The following PRKCB variants were observed in gnomAD, a reference collection of about 807,000 sequenced individuals.
PRKCB encodes protein kinase C beta type.
PRKCB carries 13 observed loss-of-function variants against 81.5 expected under a neutral mutation model. That is an observed-to-expected ratio of 0.16 (90% confidence interval 0.10 to 0.25). The LOEUF is 0.25. Among genes scored for constraint, PRKCB ranks in the 10% least tolerant of loss-of-function variants. The pLI is 1.00. For missense variants in PRKCB, 509 were observed against 875.7 expected (o/e 0.58, Z 5.29); for synonymous variants, 335 against 321.4 (o/e 1.04, Z -0.45).
chr16:24,118,083 G>A lies in PRKCB; in HGVS notation c.918+5014G>A, dbSNP rs537014745. Among the ~76,000 whole-genome samples, 17 of 152,342 alleles carry A rather than the reference G, an allele frequency of 1.1e-4. No homozygotes were observed. The East Asian group carries it at 2.3e-3, about 21-fold the overall frequency. ...GGTGGTGTCTTGGAGGAACACCAGC[G>A]ATTGTACCTGTGCAATGTAGCCTAA... On this transcript the variant is annotated intron_variant, in intron 8 of 16. Coordinates refer to ENST00000643927, the MANE Select transcript of PRKCB (RefSeq NM_002738.7).
chr16:23,906,475 T>A (rs1175243268), intron 2 of PRKCB, among the ~76,000 whole-genome samples: 2 of 152,182 alleles, frequency 1.3e-5, no homozygotes, highest in Non-Finnish European at 2.9e-5. Context: ...AAAAAGTGAT[T>A]TATTATGGAT....
At chr16:23,975,249 G>A (rs1964609780) in intron 2 of PRKCB, among the ~76,000 whole-genome samples, 1 of 152,130 alleles carries the variant, frequency 6.6e-6, no homozygotes, top group Admixed American at 6.5e-5. Flanking sequence ...CTATTTTAGA[G>A]TGAGTTGGGG....
At chr16:24,007,251 G>A (rs184799601) in intron 3 of PRKCB, among the ~76,000 whole-genome samples, 5 of 152,282 alleles carry the variant, frequency 3.3e-5, no homozygotes, top group African/African-American at 4.8e-5. Context: ...GCCGTAACTG[G>A]CACATAGGAC....
intron 5 of PRKCB, among the ~76,000 whole-genome samples, chr16:24,049,315 AC>A: frequency 6.8e-6 from 1 of 146,576 alleles, no homozygotes; most frequent in South Asian, 2.2e-4. Context: ...CGGGACCTGC[AC>A]CCTTAACCAC....
intron 16 of PRKCB, among the ~76,000 whole-genome samples, chr16:24,212,053 T>G (rs1037378619): frequency 5.3e-5 from 8 of 152,174 alleles, no homozygotes; most frequent in African/African-American, 1.7e-4. Context: ...CCTCCATTTC[T>G]CATCAGTATC....
At chr16:24,161,522 TG>T (rs1967257603) in intron 10 of PRKCB, among the ~76,000 whole-genome samples, 1 of 152,200 alleles carries the variant, frequency 6.6e-6, no homozygotes, top group Non-Finnish European at 1.5e-5. Context: ...TTTTTTTTAA[TG>T]TACCACAAGA....
intron 5 of PRKCB, among the ~76,000 whole-genome samples, chr16:24,092,387 T>G (rs1015330264): frequency 9.9e-5 from 15 of 152,224 alleles, no homozygotes; most frequent in African/African-American, 3.6e-4. Flanking sequence ...ATAAACAAAA[T>G]GTGGGATATC....
At chr16:24,017,735 T>C (rs1965297962) in intron 3 of PRKCB, among the ~76,000 whole-genome samples, 1 of 152,050 alleles carries the variant, frequency 6.6e-6, no homozygotes, top group South Asian at 2.1e-4. Flanking sequence ...TCTTTTTTTG[T>C]TTGTTTGTTT....
intron 2 of PRKCB, among the ~76,000 whole-genome samples, chr16:23,891,003 GT>G (rs1963284715): frequency 4.4e-4 from 2 of 4,572 alleles, no homozygotes; most frequent in African/African-American, 1.6e-3. Context: ...TATATAATGC[GT>G]GTGTGTGTGT....
rs1373508067 is a variant in PRKCB at position 24,107,296 on chromosome 16, A to G, written c.822-5677A>G. The stretch of plus-strand genomic sequence containing the variant: ...TTCATGGGAGTTACTTTGATTCTGC[A>G]TTGTTTCTTTCTATTTAAATGACTA... On this transcript the variant is annotated intron_variant, in intron 7 of 16. Coordinates refer to ENST00000643927, the MANE Select transcript of PRKCB (RefSeq NM_002738.7). 2.6e-5 allele frequency among the ~76,000 whole-genome samples: 4 copies of G among 152,214 alleles called. No individual in the cohort carries two copies. The East Asian group carries it at 7.7e-4, about 29-fold the overall frequency.
At chr16:23,996,961 G>A (rs1268723213) in intron 3 of PRKCB, among the ~76,000 whole-genome samples, 1 of 152,192 alleles carries the variant, frequency 6.6e-6, no homozygotes, top group Non-Finnish European at 1.5e-5. Flanking sequence ...GGGAATCAAG[G>A]AAGTGGAATG....
Position 24,101,833 on chromosome 16 carries a change from C to T in PRKCB, c.821+7536C>T, listed in dbSNP as rs144165853. Among the ~76,000 whole-genome samples, 123 of 152,292 alleles carry T rather than the reference C, an allele frequency of 8.1e-4. 1 individual carries two copies. The highest frequency in any genetic ancestry group is 2.0e-3 in the Admixed American group (31 of 15,302). On this transcript the variant is annotated intron_variant, in intron 7 of 16. Coordinates refer to ENST00000643927, the MANE Select transcript of PRKCB (RefSeq NM_002738.7). ...AGGCTGAGAGCAGGGAAGAAAAAAA[C>T]GGCTTAAGAATAGGGATAGTGTATC...
Position 24,218,233 on chromosome 16 carries a change from A to G in PRKCB, c.*3417A>G. The G allele has an allele frequency of 1.0e-6, 1 of 985,444 alleles. No homozygotes were observed. Among genetic ancestry groups the G allele is most frequent in the Non-Finnish European group, 1.2e-6 (1 of 829,938 alleles). 61.0% of individuals were successfully genotyped at this position (985,444 alleles called of 1,614,324 possible). On this transcript the variant is annotated 3_prime_UTR_variant, in exon 17 of 17. Coordinates refer to ENST00000643927, the MANE Select transcript of PRKCB (RefSeq NM_002738.7). The stretch of plus-strand genomic sequence containing the variant: ...GCAATCAAGATAATTAAAGGATGCT[A>G]AAGTGTGACTTGTGGGGATTGGGAG...
At chr16:24,122,226 GGCCCTGGGGTA>G (rs573882551) in intron 8 of PRKCB, among the ~76,000 whole-genome samples, 6 of 151,950 alleles carry the variant, frequency 3.9e-5, no homozygotes, top group African/African-American at 1.4e-4. Context: ...CAGGTGCAAA[GGCCCTGGGGTA>G]AGAGCATGTT....
intron 3 of PRKCB, among the ~76,000 whole-genome samples, chr16:24,000,586 G>A (rs1423815827): frequency 6.6e-6 from 1 of 152,208 alleles, no homozygotes; most frequent in Non-Finnish European, 1.5e-5. Context: ...TATTTAAAAT[G>A]AGAAAGAGTT....
intron 2 of PRKCB, among the ~76,000 whole-genome samples, chr16:23,962,313 C>A (rs1964437239): frequency 6.6e-6 from 1 of 152,196 alleles, no homozygotes; most frequent in African/African-American, 2.4e-5. Context: ...TCAGTGGTGC[C>A]AGTTGGGTTT....
At chr16:24,123,105 T>C (rs1403494492) in intron 8 of PRKCB, among the ~76,000 whole-genome samples, 2 of 152,200 alleles carry the variant, frequency 1.3e-5, no homozygotes, top group African/African-American at 2.4e-5. Context: ...CCAGTATTTA[T>C]GGGAAGAGAA....
chr16:24,137,719 A>G (rs981438408), intron 9 of PRKCB, among the ~76,000 whole-genome samples: 7 of 152,194 alleles, frequency 4.6e-5, no homozygotes, highest in African/African-American at 1.7e-4. Context: ...GTCCTGGTAA[A>G]ATGAATCCCT....
rs567934458 is a variant in PRKCB, at chr16:23,872,798, T to C, written c.205+35392T>C. 1.2e-3 allele frequency among the ~76,000 whole-genome samples: 184 copies of C among 151,872 alleles called. 1 individual carries two copies. Among genetic ancestry groups the C allele is most frequent in the African/African-American group, 4.3e-3 (177 of 41,468 alleles). On this transcript the variant is annotated intron_variant, in intron 2 of 16. Transcript: ENST00000643927. ...CTCTGAGTAGGAGCTCCTGCTGCCA[T>C]TATTATTATTATTATTATTGGAGGT...
Sources: allele counts gnomAD v4.1 joint callset (sites outside exome capture counted in the v4.1 genomes callset), GRCh38; gene constraint gnomAD v4.1.1; transcripts MANE v1.5; gene names NCBI Gene and HGNC (gene_info 2026-07-23, HGNC 2026-07-21).